The following NRG3 variants were observed in gnomAD, a reference collection of about 807,000 sequenced individuals.
The protein encoded by NRG3 is neuregulin 3, also known as pro-neuregulin-3, membrane-bound isoform.
A neutral mutation model predicts 66.9 loss-of-function variants in NRG3; 31 were observed. The observed-to-expected ratio is 0.46, with a 90% CI of 0.35 to 0.63. The LOEUF is 0.63. Ranked by LOEUF, NRG3 falls within the 20% of genes least tolerant of loss-of-function variation. The pLI is 0.00. For synonymous variants in NRG3, 393 were observed against 359.4 expected, an observed-to-expected ratio of 1.09 and a Z score of -1.06; for missense variants, 910 against 878.9, an observed-to-expected ratio of 1.04 and a Z score of -0.45.
chr10:82,724,547 A>C (rs1285342225), intron 2 of NRG3, among the ~76,000 whole-genome samples: 1 of 152,200 alleles, frequency 6.6e-6, no homozygotes, highest in Non-Finnish European at 1.5e-5. Flanking sequence ...GGTTTCTAAA[A>C]TGCCTTGTAG....
At chr10:82,511,496 G>T (rs928247388) in intron 2 of NRG3, among the ~76,000 whole-genome samples, 1 of 152,112 alleles carries the variant, frequency 6.6e-6, no homozygotes, top group Non-Finnish European at 1.5e-5. Context: ...ACTCATCCCC[G>T]CTGGGCACCT....
At chr10:82,391,515 G>A (rs187436897) in intron 2 of NRG3, among the ~76,000 whole-genome samples, 7 of 152,220 alleles carry the variant, frequency 4.6e-5, no homozygotes, top group East Asian at 1.9e-4. Context: ...TAGAGCCAAC[G>A]GAACATAAGT....
At chr10:82,298,641 A>T (rs902330333) in intron 1 of NRG3, among the ~76,000 whole-genome samples, 1 of 151,914 alleles carries the variant, frequency 6.6e-6, no homozygotes, top group Non-Finnish European at 1.5e-5. Context: ...CAAATAATTA[A>T]AAAAAAACCT....
At chr10:82,097,369 TACACACACACACAC>T (rs60288660) in intron 1 of NRG3, among the ~76,000 whole-genome samples, 2 of 141,030 alleles carry the variant, frequency 1.4e-5, no homozygotes, top group East Asian at 4.1e-4. Flanking sequence ...TCCAGATGGT[TACACACACACACAC>T]ACACACACAC....
chr10:82,190,020 A>T (rs572370065), intron 1 of NRG3, among the ~76,000 whole-genome samples: 1 of 152,226 alleles, frequency 6.6e-6, no homozygotes, highest in Non-Finnish European at 1.5e-5. Flanking sequence ...GATATAGACG[A>T]TTCCAAAAGG....
intron 2 of NRG3, among the ~76,000 whole-genome samples, chr10:82,632,863 G>A (rs923908482): frequency 6.6e-6 from 1 of 152,160 alleles, no homozygotes; most frequent in African/African-American, 2.4e-5. Context: ...AAGCTGCTGT[G>A]ATAGTTGCTC....
chr10:82,922,497 T>A (rs1316738436), intron 4 of NRG3, among the ~76,000 whole-genome samples: 1 of 152,218 alleles, frequency 6.6e-6, no homozygotes, highest in Non-Finnish European at 1.5e-5. Context: ...GTTTCACCTG[T>A]GAATGAGTTA....
At chr10:82,342,098 G>GAT (rs142935379) in intron 1 of NRG3, among the ~76,000 whole-genome samples, 5,302 of 150,188 alleles carry the variant, frequency 0.035, 141 homozygotes, top group African/African-American at 0.078. Context: ...CATACTATAT[G>GAT]ATATATATAT....
chr10:82,953,033 A>G (rs1849688535), intron 5 of NRG3, among the ~76,000 whole-genome samples: 1 of 151,958 alleles, frequency 6.6e-6, no homozygotes, highest in Non-Finnish European at 1.5e-5. Flanking sequence ...TAGTATTACT[A>G]ACTAAAGTCT....
intron 3 of NRG3, among the ~76,000 whole-genome samples, chr10:82,807,485 G>T (rs984406913): frequency 6.6e-6 from 1 of 152,152 alleles, no homozygotes; most frequent in Non-Finnish European, 1.5e-5. Context: ...GCCTCCATGA[G>T]TCCAGAATAC....
intron 2 of NRG3, among the ~76,000 whole-genome samples, chr10:82,401,006 G>T (rs1264888663): frequency 6.6e-6 from 1 of 152,114 alleles, no homozygotes; most frequent in Non-Finnish European, 1.5e-5. Flanking sequence ...AATGAGATGT[G>T]CACAAGGATG....
intron 3 of NRG3, among the ~76,000 whole-genome samples, chr10:82,826,942 A>AT (rs1005284986): frequency 3.0e-4 from 46 of 152,138 alleles, no homozygotes; most frequent in Admixed American, 1.3e-4. Context: ...CTAAAATAGT[A>AT]TTTCACATCA....
At chr10:82,807,094 A>C (rs546622886) in intron 3 of NRG3, among the ~76,000 whole-genome samples, 67 of 152,218 alleles carry the variant, frequency 4.4e-4, no homozygotes, top group African/African-American at 1.6e-3. Flanking sequence ...CCATCCCAAC[A>C]TGAGTTTTAG....
chr10:82,765,063 G>C (rs2059466811), intron 3 of NRG3, among the ~76,000 whole-genome samples: 1 of 152,094 alleles, frequency 6.6e-6, no homozygotes, highest in Admixed American at 6.5e-5. Flanking sequence ...ATTCAATACA[G>C]TTTTCATTAA....
chr10:82,451,629 T>C (rs566624522), intron 2 of NRG3, among the ~76,000 whole-genome samples: 3 of 152,106 alleles, frequency 2.0e-5, no homozygotes, highest in African/African-American at 7.2e-5. Flanking sequence ...CAAATGTAAA[T>C]AAAATCAATA....
intron 3 of NRG3, among the ~76,000 whole-genome samples, chr10:82,808,609 T>G (rs1244783707): frequency 1.3e-5 from 2 of 152,210 alleles, no homozygotes; most frequent in East Asian, 3.8e-4. Flanking sequence ...AACTGTTATT[T>G]TTTAGAAATA....
intron 1 of NRG3, among the ~76,000 whole-genome samples, chr10:82,349,924 C>G (rs1017372584): frequency 6.6e-6 from 1 of 152,172 alleles, no homozygotes; most frequent in Non-Finnish European, 1.5e-5. Flanking sequence ...TGCTTCGGCT[C>G]GCGCACGGTG....
At chr10:82,642,727 G>A (rs1477865477) in intron 2 of NRG3, among the ~76,000 whole-genome samples, 2 of 151,984 alleles carry the variant, frequency 1.3e-5, no homozygotes, top group Non-Finnish European at 2.9e-5. Flanking sequence ...ATTGTGAAAT[G>A]TGAATCTTAT....
chr10:82,475,545 A>G (rs1841693176), intron 2 of NRG3, among the ~76,000 whole-genome samples: 1 of 152,182 alleles, frequency 6.6e-6, no homozygotes, highest in South Asian at 2.1e-4. Context: ...ACTTTTACAT[A>G]TATGGTTAAA....
Sources: allele counts gnomAD v4.1 joint callset (sites outside exome capture counted in the v4.1 genomes callset), GRCh38; gene constraint gnomAD v4.1.1; transcripts MANE v1.5; gene names NCBI Gene and HGNC (gene_info 2026-07-23, HGNC 2026-07-21).